The following ZNF436 variants were observed in gnomAD, a reference collection of about 807,000 sequenced individuals.
ZNF436 encodes the protein zinc finger protein 436.
A neutral mutation model predicts 41.9 loss-of-function variants in ZNF436; 22 were observed. The observed-to-expected ratio is 0.53, with a 90% CI of 0.38 to 0.75. ZNF436 has a LOEUF of 0.75. Among genes scored for constraint, ZNF436 ranks in the 30% least tolerant of loss-of-function variants. ZNF436 has a pLI of 0.00. For synonymous variants in ZNF436, 217 were observed against 197.8 expected, an observed-to-expected ratio of 1.10 and a Z score of -0.82; for missense variants, 506 against 587.3, an observed-to-expected ratio of 0.86 and a Z score of 1.43.
intron 1 of ZNF436, chr1:23,368,434 A>C: frequency 5.6e-6 from 1 of 179,470 alleles, no homozygotes; most frequent in Non-Finnish European, 1.2e-5. Flanking sequence ...CACTCTGCCA[A>C]TCAGAGGCGG....
chr1:23,365,677 G>A (rs1427556652), intron 3 of ZNF436, among the ~76,000 whole-genome samples: 1 of 151,964 alleles, frequency 6.6e-6, no homozygotes, highest in African/African-American at 2.4e-5. Flanking sequence ...TTGGGCCACT[G>A]CACTCCAGTC....
Position 23,367,054 on chromosome 1 carries a change from C to A in ZNF436, c.148G>T (p.Val50Phe), listed in dbSNP as rs1345880527. 1.2e-6 allele frequency: 2 copies of A among 1,613,216 alleles called. No individual in the cohort carries two copies. Among genetic ancestry groups the A allele is most frequent in the East Asian group, 4.5e-5 (2 of 44,884 alleles). The part of the protein sequence containing the change: ...RDVMQENYGN[V>F]VSLDFEIRSE... Reference sequence around the variant, plus strand: ...AATCCTTACTTACCTAGTGAGACAACATTTCCATAATTCTCCTGCATAACA... The same window carrying A: ...AATCCTTACTTACCTAGTGAGACAAAATTTCCATAATTCTCCTGCATAACA... The change falls in exon 3 of 4, where the codon GTT (valine) becomes TTT (phenylalanine). Residue 50 changes from valine (V) to phenylalanine (F), a missense_variant. By Grantham distance (50) the Val-to-Phe change is conservative. This residue lies in a region of ZNF436 where 228 missense variants were observed against 215.1 expected (regional missense o/e 1.06). Transcript: ENST00000314011.
chr1:23,361,723 C>T lies in ZNF436; in HGVS notation c.*246G>A. On this transcript the variant is annotated 3_prime_UTR_variant, in exon 4 of 4. Transcript: ENST00000314011. The stretch of plus-strand genomic sequence containing the variant: ...ATTTGTCCCCTGGTCTTCAGATTTC[C>T]AGTTACTTGTGGGGCTGCTTTTAAT... The T allele has an allele frequency of 2.6e-6, 1 of 391,144 alleles. No individual in the cohort carries two copies. The highest frequency in any genetic ancestry group is 4.6e-6 in the Non-Finnish European group (1 of 217,312). 24.2% of individuals were successfully genotyped at this position (391,144 alleles called of 1,614,324 possible). A position where few individuals can be genotyped will look rare whatever the true frequency, so the allele number is the denominator to read the frequency against.
At chr1:23,367,434 G>C (rs1195066799) in intron 2 of ZNF436, among the ~76,000 whole-genome samples, 1 of 152,098 alleles carries the variant, frequency 6.6e-6, no homozygotes, top group Non-Finnish European at 1.5e-5. Flanking sequence ...CACTTGCATC[G>C]CTCCATACCT....
intron 1 of ZNF436, 140 bp from the exon 2 acceptor site, chr1:23,368,205 G>A (rs961659008): frequency 1.7e-6 from 1 of 600,856 alleles, no homozygotes; most frequent in Non-Finnish European, 3.0e-6. Context: ...CCTCGAGCGC[G>A]ACCCGCCCTC....
In ZNF436 at chr1:23,362,399, T is replaced by TGG; in HGVS notation, c.981_982dup (p.His328ProfsTer79). The TGG allele has an allele frequency of 6.2e-7, 1 of 1,614,158 alleles. No homozygotes were observed. Among genetic ancestry groups the TGG allele is most frequent in the Non-Finnish European group, 8.5e-7 (1 of 1,180,034 alleles). On this transcript the variant is annotated frameshift_variant, in exon 4 of 4. Transcript: ENST00000314011. LOFTEE classifies it high-confidence loss of function. Reference sequence around the variant, plus strand: ...ACAGTGGTATGGCTTCTCTCCCGTGTGGGCTCTGCGATGACGCACAAGGTC... The same window carrying TGG: ...ACAGTGGTATGGCTTCTCTCCCGTGTGGGGGCTCTGCGATGACGCACAAGGTC...
chr1:23,367,972 C>T lies in ZNF436; in HGVS notation c.33+1G>A. On this transcript the variant is annotated splice_donor_variant, in intron 2 of 3. Transcript: ENST00000314011. LOFTEE classifies it high-confidence loss of function. ...GGTCTGAGAAGCCACCTCCGGCTTA[C>T]CTGGGACCCAGCCATGAGCAGGGTG... The T allele has an allele frequency of 3.1e-6, 5 of 1,614,088 alleles. No individual in the cohort carries two copies. The highest frequency in any genetic ancestry group is 4.2e-6 in the Non-Finnish European group (5 of 1,180,020).
chr1:23,361,700 T>G lies in ZNF436; in HGVS notation c.*269A>C. 2.9e-6 allele frequency: 1 copy of G among 350,794 alleles called. No homozygotes were observed. Among genetic ancestry groups the G allele is most frequent in the South Asian group, 4.6e-5 (1 of 21,632 alleles). The allele number at this position is 350,794 out of a possible 1,614,324, so 21.7% of individuals were successfully genotyped here. On this transcript the variant is annotated 3_prime_UTR_variant, in exon 4 of 4. Coordinates refer to ENST00000314011, the MANE Select transcript of ZNF436 (RefSeq NM_001077195.2). The stretch of plus-strand genomic sequence containing the variant: ...TCCAGGCCTAAGCATTCACCAGCAT[T>G]TGTCCCCTGGTCTTCAGATTTCCAG...
At position 23,362,522 on chromosome 1, in the gene ZNF436, A is replaced by T; in HGVS notation, c.860T>A (p.Phe287Tyr). ...PYECNECGRG[F>Y]SERSDLIKHY... ...TTTGATGAGATCAGATCTCTCACTGAAGCCTCGGCCACATTCGTTACATTC... is the reference window on the plus strand; with the variant it reads ...TTTGATGAGATCAGATCTCTCACTGTAGCCTCGGCCACATTCGTTACATTC... Residue 287 changes from phenylalanine to tyrosine, a missense_variant, in exon 4 of 4, where the codon TTC (phenylalanine) becomes TAC (tyrosine). By Grantham distance (22) the Phe-to-Tyr change is conservative. This residue lies in a region of ZNF436 where 278 missense variants were observed against 372.1 expected (regional missense o/e 0.75). Transcript: ENST00000314011. 9 of 1,613,952 alleles carry T rather than the reference A, an allele frequency of 5.6e-6. No homozygotes were observed. Among genetic ancestry groups the T allele is most frequent in the Non-Finnish European group, 7.6e-6 (9 of 1,180,002 alleles).
chr1:23,365,775 G>C (rs550009794), intron 3 of ZNF436, among the ~76,000 whole-genome samples: 1 of 151,414 alleles, frequency 6.6e-6, no homozygotes, highest in East Asian at 1.9e-4. Context: ...AGAATTAGCC[G>C]GGCAAGGTGG....
Position 23,368,072 on chromosome 1 carries a change from G to A in ZNF436, c.-60-7C>T. The A allele has an allele frequency of 6.9e-6, 11 of 1,587,988 alleles. No homozygotes were observed. The South Asian group carries it at 1.1e-4, about 16-fold the overall frequency. ...AAGCAGCTAGCAGACAGCGCTGAAG[G>A]AGGCGAAAAGCAGGGCGTGAGGCAC... is the stretch of plus-strand genomic sequence containing the variant. On this transcript the variant is annotated splice_polypyrimidine_tract_variant and splice_region_variant and intron_variant, in intron 1 of 3. Coordinates refer to ENST00000314011, the MANE Select transcript of ZNF436 (RefSeq NM_001077195.2).
At chr1:23,365,115 C>T (rs867702134) in intron 3 of ZNF436, among the ~76,000 whole-genome samples, 8 of 152,044 alleles carry the variant, frequency 5.3e-5, no homozygotes, top group Admixed American at 6.6e-5. Context: ...AGAGGCAGGC[C>T]GGGCGCGGTG....
intron 1 of ZNF436, 185 bp downstream of exon 1, chr1:23,369,181 G>T (rs557106329): frequency 7.6e-6 from 3 of 394,024 alleles, no homozygotes; most frequent in African/African-American, 2.1e-5. Context: ...GCCCCTGCGG[G>T]GGGGGCGGGC....
rs760855802 is a variant in ZNF436 at position 23,369,552 on chromosome 1, A to G, written c.-247T>C. 3.7e-6 allele frequency: 2 copies of G among 533,752 alleles called. No individual in the cohort carries two copies. The allele number at this position is 533,752 out of a possible 1,614,324, so 33.1% of individuals were successfully genotyped here. On this transcript the variant is annotated 5_prime_UTR_variant, in exon 1 of 4. Coordinates refer to ENST00000314011, the MANE Select transcript of ZNF436 (RefSeq NM_001077195.2). ...TCGTAGACTTGCAGGCGAAGCCCAG[A>G]TATCGTAGGCTGATCCTAAAGACTC...
At position 23,360,659 on chromosome 1, in the gene ZNF436, TAG is replaced by T. The variant is rs775632574; in HGVS notation, c.*1308_*1309del. The T allele has an allele frequency of 6.6e-6, 1 of 152,656 alleles. No individual in the cohort carries two copies. The highest frequency in any genetic ancestry group is 1.5e-5 in the Non-Finnish European group (1 of 68,052). The allele number at this position is 152,656 out of a possible 1,614,324, so 9.5% of individuals were successfully genotyped here. On this transcript the variant is annotated 3_prime_UTR_variant, in exon 4 of 4. Transcript: ENST00000314011. ...TAAGCCAAAGAGTTCTTCATTACCATAGAAGATAATTCATTCTGAGAATAGGA... is the reference window on the plus strand; with the variant it reads ...TAAGCCAAAGAGTTCTTCATTACCATAAGATAATTCATTCTGAGAATAGGA...
Position 23,359,774 on chromosome 1 carries a change from G to A in ZNF436, c.*2195C>T, listed in dbSNP as rs181106126. 6.6e-6 allele frequency: 1 copy of A among 152,622 alleles called. No homozygotes were observed. Among genetic ancestry groups the A allele is most frequent in the African/African-American group, 2.4e-5 (1 of 41,452 alleles). The allele number at this position is 152,622 out of a possible 1,614,324, so 9.5% of individuals were successfully genotyped here. A position where few individuals can be genotyped will look rare whatever the true frequency, so the allele number is the denominator to read the frequency against. ...GTCCCTTAAGTTTCCCAGCTAGATT[G>A]TTCATGTATGGAGATAGCTGGGTGC... On this transcript the variant is annotated 3_prime_UTR_variant, in exon 4 of 4. Transcript: ENST00000314011.
At position 23,362,053 on chromosome 1, in the gene ZNF436, C is replaced by T; in HGVS notation, c.1329G>A (p.Glu443=). 6.2e-7 allele frequency: 1 copy of T among 1,614,234 alleles called. No individual in the cohort carries two copies. The highest frequency in any genetic ancestry group is 8.5e-7 in the Non-Finnish European group (1 of 1,180,046). ...CACATTCGGTACATTCATAAGGTTT[C>T]TCTCCCGTGTGAACTCTTTGATGTG... ...LITHQRVHTG[E]KPYECTECEK... Residue 443 remains glutamate, a synonymous_variant, in exon 4 of 4, where the codon GAG becomes GAA. Transcript: ENST00000314011.
In ZNF436 at chr1:23,361,840, C is replaced by CT. The variant is rs1462122475; in HGVS notation, c.*128dup. 2.0e-5 allele frequency: 20 copies of CT among 981,370 alleles called. No homozygotes were observed. Among genetic ancestry groups the CT allele is most frequent in the Non-Finnish European group, 1.9e-5 (13 of 687,392 alleles). The allele number at this position is 981,370 out of a possible 1,614,324, so 60.8% of individuals were successfully genotyped here. Reference sequence around the variant, plus strand: ...CAGAATTTCAAATGGCTTGTCATCTCTGATGGTTTAAATCGTGGCCCACAA... The same window carrying CT: ...CAGAATTTCAAATGGCTTGTCATCTCTTGATGGTTTAAATCGTGGCCCACAA... On this transcript the variant is annotated 3_prime_UTR_variant, in exon 4 of 4. Coordinates refer to ENST00000314011, the MANE Select transcript of ZNF436 (RefSeq NM_001077195.2).
In ZNF436 at chr1:23,359,541, T is replaced by C. The variant is rs185170449; in HGVS notation, c.*2428A>G. On this transcript the variant is annotated 3_prime_UTR_variant, in exon 4 of 4. Coordinates refer to ENST00000314011, the MANE Select transcript of ZNF436 (RefSeq NM_001077195.2). Reference sequence around the variant, plus strand: ...ACCAATACCATAAGGAAAACTGTTCTACATATTGATTTGTTCATTAATTCT... The same window carrying C: ...ACCAATACCATAAGGAAAACTGTTCCACATATTGATTTGTTCATTAATTCT... 2.4e-4 allele frequency: 37 copies of C among 152,474 alleles called. No individual in the cohort carries two copies. In the East Asian group the frequency reaches 7.1e-3, roughly 29 times the overall value. 9.4% of individuals were successfully genotyped at this position (152,474 alleles called of 1,614,324 possible).
Sources: allele counts gnomAD v4.1 joint callset (sites outside exome capture counted in the v4.1 genomes callset), GRCh38; gene constraint gnomAD v4.1.1; regional missense constraint gnomAD v4.1.1; transcripts MANE v1.5; gene names NCBI Gene and HGNC (gene_info 2026-07-23, HGNC 2026-07-21).